Variants in SND1 observed in about 807,000 individuals in gnomAD.
SND1 encodes the protein staphylococcal nuclease and tudor domain containing 1, also known as staphylococcal nuclease domain-containing protein 1.
SND1 carries 38 observed loss-of-function variants against 121.7 expected under a neutral mutation model. That is an observed-to-expected ratio of 0.31 (90% CI 0.24 to 0.41). SND1 has a LOEUF of 0.41. SND1 is among the 10% of genes least tolerant of loss of function. The pLI, the probability that SND1 is intolerant of heterozygous loss-of-function variation, is 1.00. For missense variants in SND1, 868 were observed against 1,184.6 expected (o/e 0.73, Z 3.92); for synonymous variants, 401 against 447.4 (o/e 0.90, Z 1.31).
intron 14 of SND1, among the ~76,000 whole-genome samples, chr7:127,925,804 A>T (rs1800819419): frequency 6.6e-6 from 1 of 151,998 alleles, no homozygotes; most frequent in Non-Finnish European, 1.5e-5. Flanking sequence ...CATGTTGGCC[A>T]GGCTGGTCTC....
At chr7:127,746,758 G>A (rs1049424880) in intron 10 of SND1, among the ~76,000 whole-genome samples, 4 of 152,022 alleles carry the variant, frequency 2.6e-5, no homozygotes, top group African/African-American at 9.7e-5. Flanking sequence ...GGCCTTTGTA[G>A]GTATAAATAC....
intron 12 of SND1, among the ~76,000 whole-genome samples, chr7:127,883,770 T>A (rs1000202598): frequency 6.6e-6 from 1 of 152,196 alleles, no homozygotes; most frequent in East Asian, 1.9e-4. Context: ...TCTGGAATAG[T>A]TCTTCAGTCT....
At chr7:127,982,374 C>G (rs889294023) in intron 15 of SND1, among the ~76,000 whole-genome samples, 1 of 152,242 alleles carries the variant, frequency 6.6e-6, no homozygotes, top group African/African-American at 2.4e-5. Context: ...AAAACAGCTT[C>G]AGTCTCAGCT....
intron 16 of SND1, chr7:127,998,042 C>T (rs999459120): frequency 3.9e-6 from 2 of 513,178 alleles, no homozygotes; most frequent in East Asian, 5.6e-5. Flanking sequence ...AAGCTCCTCA[C>T]AGACAGGAAC....
chr7:127,773,051 G>T (rs1409663203), intron 10 of SND1, among the ~76,000 whole-genome samples: 1 of 152,214 alleles, frequency 6.6e-6, no homozygotes, highest in Non-Finnish European at 1.5e-5. Context: ...AGAAACCACA[G>T]TGAAAGCTTT....
intron 15 of SND1, among the ~76,000 whole-genome samples, chr7:127,985,307 G>T (rs999727564): frequency 6.6e-6 from 1 of 152,234 alleles, no homozygotes; most frequent in African/African-American, 2.4e-5. Flanking sequence ...GCCCGGGCTA[G>T]AGTGCAGTGG....
At chr7:127,927,563 T>A (rs563635851) in intron 14 of SND1, among the ~76,000 whole-genome samples, 4 of 152,192 alleles carry the variant, frequency 2.6e-5, no homozygotes, top group African/African-American at 9.6e-5. Flanking sequence ...AAGTGTTCAA[T>A]GGGGAAGTTT....
At chr7:127,658,169 G>A (rs1304001506) in intron 1 of SND1, among the ~76,000 whole-genome samples, 2 of 152,078 alleles carry the variant, frequency 1.3e-5, no homozygotes, top group Non-Finnish European at 1.5e-5. Context: ...AAAAAAATTA[G>A]CCAGGCATGG....
At chr7:128,011,129 A>T (rs928857186) in intron 16 of SND1, among the ~76,000 whole-genome samples, 1 of 151,194 alleles carries the variant, frequency 6.6e-6, no homozygotes, top group African/African-American at 2.4e-5. Flanking sequence ...CACACACCAC[A>T]GGCCTATATA....
chr7:127,797,885 G>A (rs760918283), intron 10 of SND1, among the ~76,000 whole-genome samples: 2 of 152,170 alleles, frequency 1.3e-5, no homozygotes, highest in Non-Finnish European at 2.9e-5. Context: ...AGGGTCTTGG[G>A]GGAACAAAGA....
chr7:128,008,526 G>A (rs886364546), intron 16 of SND1, among the ~76,000 whole-genome samples: 21 of 151,806 alleles, frequency 1.4e-4, no homozygotes, highest in Non-Finnish European at 2.6e-4. Flanking sequence ...AGAGTTGTGG[G>A]GAGGTCAAAA....
At chr7:127,959,039 GT>G (rs1170256418) in intron 15 of SND1, among the ~76,000 whole-genome samples, 3 of 152,130 alleles carry the variant, frequency 2.0e-5, no homozygotes, top group Non-Finnish European at 2.9e-5. Flanking sequence ...TTTGTGTGGG[GT>G]TTTTTGTTGT....
At chr7:127,687,578 G>A (rs946819473) in intron 2 of SND1, among the ~76,000 whole-genome samples, 5 of 152,146 alleles carry the variant, frequency 3.3e-5, no homozygotes, top group Non-Finnish European at 7.3e-5. Flanking sequence ...ATATTTGATT[G>A]TCTGCTTCTG....
At chr7:127,846,329 T>C (rs1799061593) in intron 12 of SND1, among the ~76,000 whole-genome samples, 1 of 152,234 alleles carries the variant, frequency 6.6e-6, no homozygotes, top group Non-Finnish European at 1.5e-5. Context: ...ATTTTACAAG[T>C]ACTCTTCTAG....
intron 16 of SND1, chr7:128,042,501 C>A (rs1792873635): frequency 6.6e-6 from 1 of 152,346 alleles, no homozygotes. Context: ...ATGAACAGAC[C>A]AACCAGCCAA....
intron 12 of SND1, among the ~76,000 whole-genome samples, chr7:127,859,229 C>T (rs1418095793): frequency 1.3e-5 from 2 of 152,138 alleles, no homozygotes; most frequent in African/African-American, 4.8e-5. Context: ...GCTTATTTAT[C>T]CTTATTTCCC....
At chr7:127,695,016 G>C (rs1795983455) in intron 3 of SND1, 68 bp downstream of exon 3, 1 of 1,569,376 alleles carries the variant, frequency 6.4e-7, no homozygotes, top group African/African-American at 1.4e-5. Flanking sequence ...TTTTCTTGTG[G>C]TGGAAGGCCA....
intron 1 of SND1, among the ~76,000 whole-genome samples, chr7:127,671,963 G>A (rs1337169699): frequency 1.3e-5 from 2 of 152,222 alleles, no homozygotes; most frequent in African/African-American, 2.4e-5. Flanking sequence ...TTTACTGAGT[G>A]AAAGCTGAAA....
intron 14 of SND1, among the ~76,000 whole-genome samples, chr7:127,919,665 C>T (rs1234402651): frequency 6.6e-6 from 1 of 152,090 alleles, no homozygotes; most frequent in Non-Finnish European, 1.5e-5. Context: ...TTAGCCCGGT[C>T]TCATGTCTCA....
Sources: gnomAD v4.1 joint callset for allele counts (sites outside exome capture counted in the v4.1 genomes callset) on GRCh38, gnomAD v4.1.1 for gene constraint, MANE v1.5 for transcripts, NCBI Gene and HGNC (gene_info 2026-07-23, HGNC 2026-07-21) for gene names.